The following HMGN5 variants were observed in gnomAD, a reference collection of about 807,000 sequenced individuals.
HMGN5 encodes the protein high mobility group nucleosome binding domain 5.
HMGN5 carries 4 observed loss-of-function variants against 9.5 expected under a neutral mutation model. The ratio of observed to expected loss-of-function variants is 0.42; its 90% CI spans 0.21 to 0.96. The LOEUF (loss-of-function observed/expected upper bound fraction) is 0.96, where lower values mean the gene tolerates loss of function less well. Ranked by LOEUF, HMGN5 falls within the 40% of genes least tolerant of loss-of-function variation. The pLI, the probability that HMGN5 is intolerant of heterozygous loss-of-function variation, is 0.30. For synonymous variants in HMGN5, 55 were observed against 57.1 expected, an observed-to-expected ratio of 0.96 and a Z score of 0.16; for missense variants, 192 against 187.5, an observed-to-expected ratio of 1.02 and a Z score of -0.14.
chrX:81,147,918 C>T (rs1183374142), intron 1 of HMGN5, among the ~76,000 whole-genome samples: 1 of 111,532 alleles, frequency 9.0e-6, no homozygotes, highest in East Asian at 2.8e-4. Flanking sequence ...AGGAATCCAA[C>T]TTACAGGGGA....
At chrX:81,129,627 C>T (rs1177310166) in intron 1 of HMGN5, among the ~76,000 whole-genome samples, 1 of 111,753 alleles carries the variant, frequency 8.9e-6, no homozygotes, top group Admixed American at 9.6e-5. Flanking sequence ...AATCCATTTA[C>T]ACTTCTCTTT....
chrX:81,178,178 T>A (rs751804306), intron 1 of HMGN5, among the ~76,000 whole-genome samples: 1 of 110,805 alleles, frequency 9.0e-6, no homozygotes, highest in Non-Finnish European at 1.9e-5. Context: ...AGCAAACACA[T>A]TCAAAAGCTA....
chrX:81,124,046 A>C (rs1373214622), intron 1 of HMGN5, among the ~76,000 whole-genome samples: 1 of 112,522 alleles, frequency 8.9e-6, no homozygotes, highest in Non-Finnish European at 1.9e-5. Flanking sequence ...TTAGAGAAGC[A>C]AAGCATAATG....
chrX:81,170,519 A>C (rs1434655994), intron 1 of HMGN5, among the ~76,000 whole-genome samples: 1 of 111,890 alleles, frequency 8.9e-6, no homozygotes, highest in Admixed American at 9.5e-5. Context: ...AAAATCAGGC[A>C]TAATCAATTT....
At chrX:81,166,214 T>C (rs2075410855) in intron 1 of HMGN5, among the ~76,000 whole-genome samples, 1 of 111,510 alleles carries the variant, frequency 9.0e-6, no homozygotes, top group South Asian at 3.7e-4. Context: ...TATATCAGAC[T>C]GATGATATGA....
At chrX:81,147,613 T>A (rs1266949165) in intron 1 of HMGN5, among the ~76,000 whole-genome samples, 2 of 111,336 alleles carry the variant, frequency 1.8e-5, no homozygotes, top group African/African-American at 6.5e-5. Context: ...TTCCACATAG[T>A]ATTGGAAGTT....
chrX:81,195,915 T>C (rs1268869673), intron 1 of HMGN5, among the ~76,000 whole-genome samples: 1 of 111,523 alleles, frequency 9.0e-6, no homozygotes, highest in Non-Finnish European at 1.9e-5. Context: ...CTCTAGTGGC[T>C]CTAATCATGA....
chrX:81,114,580 T>G lies in HMGN5; in HGVS notation c.*69A>C, dbSNP rs759538582. On this transcript the variant is annotated 3_prime_UTR_variant, in exon 7 of 7. Transcript: ENST00000358130. ...GTGTTTATAAAATTTTTGATAAAAA[T>G]ATTTATCTCTATTAACTTTACAACA... 1.1e-6 allele frequency: 1 copy of G among 947,665 alleles called. No individual in the cohort carries two copies. Among genetic ancestry groups the G allele is most frequent in the East Asian group, 3.8e-5 (1 of 26,221 alleles). The allele number at this position is 947,665 out of a possible 1,213,427, so 78.1% of individuals were successfully genotyped here.
chrX:81,199,132 C>T (rs140430747), intron 1 of HMGN5, among the ~76,000 whole-genome samples: 2,122 of 111,344 alleles, frequency 0.019, 48 homozygotes, highest in African/African-American at 0.066. Flanking sequence ...TTCACAATTG[C>T]TACAAATAGA....
intron 1 of HMGN5, among the ~76,000 whole-genome samples, chrX:81,196,656 C>T (rs2075509322): frequency 9.0e-6 from 1 of 110,499 alleles, no homozygotes; most frequent in Non-Finnish European, 1.9e-5. Context: ...ATTCTCCCAC[C>T]TCAGCCTCCT....
At chrX:81,139,590 G>A (rs2075322106) in intron 1 of HMGN5, among the ~76,000 whole-genome samples, 4 of 111,682 alleles carry the variant, frequency 3.6e-5, no homozygotes, top group African/African-American at 1.3e-4. Flanking sequence ...AAGAGGCGCT[G>A]AAGAGATAGT....
At chrX:81,152,275 A>G (rs1028569244) in intron 1 of HMGN5, among the ~76,000 whole-genome samples, 10 of 111,977 alleles carry the variant, frequency 8.9e-5, no homozygotes, top group Non-Finnish European at 1.9e-4. Flanking sequence ...CAGAATCTAC[A>G]ATGAACTCAA....
At chrX:81,157,612 G>A (rs2075386563) in intron 1 of HMGN5, among the ~76,000 whole-genome samples, 2 of 111,181 alleles carry the variant, frequency 1.8e-5, no homozygotes, top group African/African-American at 6.6e-5. Flanking sequence ...ACCCTCCAGA[G>A]TGCTAATACT....
intron 1 of HMGN5, among the ~76,000 whole-genome samples, chrX:81,165,416 CT>C (rs2075408503): frequency 9.0e-6 from 1 of 110,735 alleles, no homozygotes; most frequent in Admixed American, 9.7e-5. Flanking sequence ...TAATTTTAGC[CT>C]TTTCGAGTCC....
rs867051086 is a variant in HMGN5, at chrX:81,141,490, G to A, written c.-123-19818C>T. Among the ~76,000 whole-genome samples, 9 of 105,646 alleles carry A rather than the reference G, an allele frequency of 8.5e-5. No individual in the cohort carries two copies. In the South Asian group the frequency reaches 1.8e-3, roughly 21 times the overall value. 91.7% of individuals were successfully genotyped at this position (105,646 alleles called of 115,157 possible). Reference sequence around the variant, plus strand: ...AGAGAGAGAGAGAGAGAGAGAGAGAGAAAGAGAGAGAGAGAGAGACTACTT... The same window carrying A: ...AGAGAGAGAGAGAGAGAGAGAGAGAAAAAGAGAGAGAGAGAGAGACTACTT... On this transcript the variant is annotated intron_variant, in intron 1 of 6. Coordinates refer to ENST00000358130, the MANE Select transcript of HMGN5 (RefSeq NM_030763.3).
intron 1 of HMGN5, among the ~76,000 whole-genome samples, chrX:81,158,671 C>T (rs1041754705): frequency 3.6e-5 from 4 of 111,917 alleles, no homozygotes; most frequent in East Asian, 2.8e-4. Context: ...TAGTTTAATT[C>T]GATCCCATTT....
At chrX:81,150,661 G>A (rs1167475292) in intron 1 of HMGN5, among the ~76,000 whole-genome samples, 1 of 111,517 alleles carries the variant, frequency 9.0e-6, no homozygotes, top group Non-Finnish European at 1.9e-5. Context: ...AATGAAGAAA[G>A]CAAAACAAAA....
chrX:81,132,177 G>A, intron 1 of HMGN5, among the ~76,000 whole-genome samples: 1 of 110,980 alleles, frequency 9.0e-6, no homozygotes, highest in Non-Finnish European at 1.9e-5. Flanking sequence ...ATCTTTACAA[G>A]GAGAACTACA....
chrX:81,176,715 A>G (rs1415071015), intron 1 of HMGN5, among the ~76,000 whole-genome samples: 1 of 111,396 alleles, frequency 9.0e-6, no homozygotes, highest in Non-Finnish European at 1.9e-5. Context: ...ATGAGATAAA[A>G]TGAGAAGACA....
Sources: allele counts gnomAD v4.1 joint callset (sites outside exome capture counted in the v4.1 genomes callset), GRCh38; gene constraint gnomAD v4.1.1; transcripts MANE v1.5; gene names NCBI Gene and HGNC (gene_info 2026-07-23, HGNC 2026-07-21).